The following SNTG1 variants were observed in gnomAD, a reference collection of about 807,000 sequenced individuals.
SNTG1 encodes syntrophin gamma 1, also known as gamma-1-syntrophin.
SNTG1 carries 39 observed loss-of-function variants against 74.7 expected under a neutral mutation model. That is an observed-to-expected ratio of 0.52 (90% CI 0.40 to 0.68). SNTG1 has a LOEUF of 0.68. Among genes scored for constraint, SNTG1 ranks in the 30% least tolerant of loss-of-function variants. The pLI is 0.00. For missense variants in SNTG1, 685 were observed against 609.5 expected (o/e 1.12, Z -1.30); for synonymous variants, 254 against 217.1 (o/e 1.17, Z -1.49).
At chr8:50,249,796 A>T (rs559505426) in intron 2 of SNTG1, among the ~76,000 whole-genome samples, 2 of 152,160 alleles carry the variant, frequency 1.3e-5, no homozygotes, top group African/African-American at 4.8e-5. Flanking sequence ...CTCAACCAAC[A>T]TCCTAGGATC....
At chr8:50,400,705 A>G (rs761302911) in intron 3 of SNTG1, among the ~76,000 whole-genome samples, 10 of 152,058 alleles carry the variant, frequency 6.6e-5, no homozygotes, top group Non-Finnish European at 1.2e-4. Flanking sequence ...AACTTGGGTG[A>G]GGTGGTATTA....
intron 1 of SNTG1, among the ~76,000 whole-genome samples, chr8:50,059,609 T>G (rs1009106547): frequency 1.2e-4 from 18 of 152,120 alleles, no homozygotes; most frequent in Non-Finnish European, 2.5e-4. Flanking sequence ...GCGACTTTTG[T>G]GATTCACTTC....
chr8:50,386,523 C>A (rs1220176009), intron 2 of SNTG1, among the ~76,000 whole-genome samples: 1 of 151,888 alleles, frequency 6.6e-6, no homozygotes, highest in African/African-American at 2.4e-5. Flanking sequence ...TTTATTAGTT[C>A]ATTTGTATTG....
chr8:50,002,183 C>T (rs1287015345), intron 1 of SNTG1, among the ~76,000 whole-genome samples: 2 of 152,160 alleles, frequency 1.3e-5, no homozygotes, highest in Admixed American at 6.6e-5. Context: ...GGTAATATAT[C>T]ACAAAGTGGG....
chr8:50,171,329 G>T (rs965943252), intron 1 of SNTG1, among the ~76,000 whole-genome samples: 4 of 152,178 alleles, frequency 2.6e-5, no homozygotes, highest in African/African-American at 9.7e-5. Context: ...GAGGAGCAAA[G>T]AAACCAGTTT....
At chr8:50,442,680 T>TAAAAAAAAAAAAAAAAAAAAAAA (rs5891365) in intron 5 of SNTG1, among the ~76,000 whole-genome samples, 2 of 81,170 alleles carry the variant, frequency 2.5e-5, no homozygotes, top group African/African-American at 1.0e-4. Context: ...TGTCTATCAG[T>TAAAAAAAAAAAAAAAAAAAAAAA]AAAAAAAAAA....
intron 9 of SNTG1, among the ~76,000 whole-genome samples, chr8:50,525,095 TAAG>T (rs914145632): frequency 2.6e-5 from 4 of 152,138 alleles, no homozygotes; most frequent in Non-Finnish European, 4.4e-5. Context: ...TTTGTTTATT[TAAG>T]AAGATCTGTA....
intron 11 of SNTG1, among the ~76,000 whole-genome samples, chr8:50,538,582 C>A (rs1357710714): frequency 6.6e-6 from 1 of 152,122 alleles, no homozygotes; most frequent in East Asian, 1.9e-4. Flanking sequence ...TTCTTTCCCT[C>A]TGTCTGCTTT....
At chr8:49,970,972 C>T (rs1811610247) in intron 1 of SNTG1, among the ~76,000 whole-genome samples, 1 of 152,182 alleles carries the variant, frequency 6.6e-6, no homozygotes, top group South Asian at 2.1e-4. Context: ...CATTCTGAAA[C>T]TATTCCAATC....
chr8:50,182,527 T>C (rs2083242468), intron 2 of SNTG1, among the ~76,000 whole-genome samples: 1 of 152,182 alleles, frequency 6.6e-6, no homozygotes, highest in African/African-American at 2.4e-5. Context: ...ATATATTTTA[T>C]GTTTATGAGT....
intron 1 of SNTG1, chr8:50,011,801 T>A (rs1815831351): frequency 6.6e-6 from 1 of 152,094 alleles, no homozygotes; most frequent in South Asian, 2.1e-4. Context: ...TTGGTGGGAG[T>A]TGTTCTGTGC....
At chr8:50,650,809 T>C (rs559798988) in intron 13 of SNTG1, among the ~76,000 whole-genome samples, 2 of 152,226 alleles carry the variant, frequency 1.3e-5, no homozygotes, top group East Asian at 3.9e-4. Flanking sequence ...CAAGTGATTC[T>C]CCTGCCTCAG....
Position 50,312,638 on chromosome 8 carries a change from A to G in SNTG1, c.-27-81574A>G, listed in dbSNP as rs1402324471. On this transcript the variant is annotated intron_variant, in intron 2 of 18. Transcript: ENST00000642720. Reference sequence around the variant, plus strand: ...TGAAAAATTTCAAGCCTATACAAAAACAATGAAAATAGCATAATAGGCCAC... The same window carrying G: ...TGAAAAATTTCAAGCCTATACAAAAGCAATGAAAATAGCATAATAGGCCAC... 6.7e-5 allele frequency among the ~76,000 whole-genome samples: 10 copies of G among 149,792 alleles called. 1 individual carries two copies. Among genetic ancestry groups the G allele is most frequent in the African/African-American group, 2.2e-4 (9 of 40,134 alleles).
intron 1 of SNTG1, among the ~76,000 whole-genome samples, chr8:50,169,209 ATAAT>A (rs1336952250): frequency 2.0e-5 from 3 of 152,228 alleles, no homozygotes; most frequent in Admixed American, 1.3e-4. Context: ...TCAGTGAATA[ATAAT>A]TTATTTCACA....
At chr8:50,398,971 A>T (rs2092765693) in intron 3 of SNTG1, among the ~76,000 whole-genome samples, 1 of 152,164 alleles carries the variant, frequency 6.6e-6, no homozygotes, top group South Asian at 2.1e-4. Context: ...ATAGTTACGA[A>T]TACTATGAGG....
At chr8:50,112,099 T>G (rs1586324607) in intron 1 of SNTG1, among the ~76,000 whole-genome samples, 1 of 152,126 alleles carries the variant, frequency 6.6e-6, no homozygotes, top group African/African-American at 2.4e-5. Flanking sequence ...AAACACATGA[T>G]TTTTTTCATC....
In SNTG1 at chr8:50,012,832, G is replaced by T. The variant is rs571379560; in HGVS notation, c.-103+100601G>T. Among the ~76,000 whole-genome samples the T allele has an allele frequency of 7.3e-3, 1,112 of 152,240 alleles. 9 individuals are homozygous for T. Among genetic ancestry groups the T allele is most frequent in the Non-Finnish European group, 9.1e-3 (622 of 68,008 alleles). The stretch of plus-strand genomic sequence containing the variant: ...AGATTGAGTAATTTCATTGGGTTTT[G>T]AGACAGCAGCTGCAGCTGTCCCTAC... On this transcript the variant is annotated intron_variant, in intron 1 of 18. Transcript: ENST00000642720.
chr8:50,518,276 G>A (rs1342719965), intron 9 of SNTG1, among the ~76,000 whole-genome samples: 2 of 152,062 alleles, frequency 1.3e-5, no homozygotes, highest in South Asian at 4.1e-4. Flanking sequence ...AAGACACAAT[G>A]TACCAGAATG....
chr8:50,236,468 T>G (rs2085902754), intron 2 of SNTG1, among the ~76,000 whole-genome samples: 1 of 151,080 alleles, frequency 6.6e-6, no homozygotes. Flanking sequence ...TTTTTTTTTT[T>G]GAGACGCAGT....
Sources: allele counts gnomAD v4.1 joint callset (sites outside exome capture counted in the v4.1 genomes callset), GRCh38; gene constraint gnomAD v4.1.1; transcripts MANE v1.5; gene names NCBI Gene and HGNC (gene_info 2026-07-23, HGNC 2026-07-21).